Variants in RSPH4A observed in about 807,000 individuals in gnomAD.
RSPH4A encodes the protein radial spoke head component 4A.
A neutral mutation model predicts 71.0 loss-of-function variants in RSPH4A; 47 were observed. The ratio of observed to expected loss-of-function variants is 0.66; its 90% CI spans 0.52 to 0.84. RSPH4A has a LOEUF of 0.84. RSPH4A is among the 40% of genes least tolerant of loss of function. RSPH4A has a pLI of 0.00. For synonymous variants in RSPH4A, 282 were observed against 302.3 expected (o/e 0.93, Z 0.70); for missense variants, 793 against 855.2 (o/e 0.93, Z 0.91).
chr6:116,629,647 C>T lies in RSPH4A; in HGVS notation c.1743C>T (p.Asp581=). Residue 581 remains aspartate, a synonymous_variant, in exon 4 of 6, where the codon GAC becomes GAT. Coordinates refer to ENST00000229554, the MANE Select transcript of RSPH4A (RefSeq NM_001010892.3). The part of the protein sequence containing the change: ...EEEDEEKDDS[D]YIEQEVGLPL... ...AAGATGAAGAAAAAGACGATTCTGA[C>T]TACATAGAACAGGAAGTGGGGCTTC... 6.2e-7 allele frequency: 1 copy of T among 1,613,208 alleles called. No individual in the cohort carries two copies. Among genetic ancestry groups the T allele is most frequent in the East Asian group, 2.2e-5 (1 of 44,852 alleles).
At chr6:116,631,982 T>G (rs988565169) in intron 5 of RSPH4A, among the ~76,000 whole-genome samples, 3 of 151,966 alleles carry the variant, frequency 2.0e-5, no homozygotes, top group Non-Finnish European at 2.9e-5. Context: ...TAACAGTATC[T>G]GGCCCCATGG....
intron 2 of RSPH4A, among the ~76,000 whole-genome samples, chr6:116,626,015 A>T (rs1775686989): frequency 6.6e-6 from 1 of 152,208 alleles, no homozygotes; most frequent in Admixed American, 6.5e-5. Context: ...GCGATAAGTG[A>T]AAAGGATATT....
At chr6:116,629,964 T>C (rs1031857960) in intron 4 of RSPH4A, among the ~76,000 whole-genome samples, 40 of 152,224 alleles carry the variant, frequency 2.6e-4, no homozygotes, top group Non-Finnish European at 5.3e-4. Flanking sequence ...CTGACAATTG[T>C]CTCCTTTATT....
Position 116,622,918 on chromosome 6 carries a change from A to T in RSPH4A, c.837A>T (p.Pro279=). The change falls in exon 2 of 6, where the codon CCA becomes CCT. Residue 279 remains proline (P), a synonymous_variant. Coordinates refer to ENST00000229554, the MANE Select transcript of RSPH4A (RefSeq NM_001010892.3). The stretch of plus-strand genomic sequence containing the variant: ...TACAAAATGAGAATGAGTTGCTTCC[A>T]ACATATGAAATAGCAGAAAAGCAAA... ...DALQNENELL[P]TYEIAEKQKA... is the part of the protein sequence containing the mutation. 1 of 1,614,004 alleles carries T rather than the reference A, an allele frequency of 6.2e-7. No individual in the cohort carries two copies.
rs1775723345 is a variant in RSPH4A at position 116,627,863 on chromosome 6, G to A, written c.1156G>A (p.Asp386Asn). 6.2e-7 allele frequency: 1 copy of A among 1,613,610 alleles called. No individual in the cohort carries two copies. The highest frequency in any genetic ancestry group is 1.3e-5 in the African/African-American group (1 of 74,924). Residue 386 changes from aspartate (D) to asparagine (N), a missense_variant, in exon 3 of 6, where the codon GAT (aspartate) becomes AAT (asparagine). Physicochemically the swap from Asp to Asn is conservative, Grantham distance 23. Coordinates refer to ENST00000229554, the MANE Select transcript of RSPH4A (RefSeq NM_001010892.3). Reference protein sequence around the residue: ...GEDEEEVEEEDVAEERDNGES... With the variant: ...GEDEEEVEEENVAEERDNGES... ...AGATGAAGAGGAAGTGGAAGAGGAA[G>A]ATGTAGCTGAAGAGAGGGACAATGG... is the stretch of plus-strand genomic sequence containing the variant.
intron 5 of RSPH4A, among the ~76,000 whole-genome samples, chr6:116,630,963 T>A (rs1775795345): frequency 6.6e-6 from 1 of 150,790 alleles, no homozygotes; most frequent in Non-Finnish European, 1.5e-5. Context: ...GTGCTGGGAT[T>A]ACATGTTTGA....
intron 1 of RSPH4A, among the ~76,000 whole-genome samples, chr6:116,619,796 A>ACAAGCTCTGCC (rs1775571173): frequency 6.6e-6 from 1 of 151,974 alleles, no homozygotes; most frequent in South Asian, 2.1e-4. Flanking sequence ...TCGGCTCACT[A>ACAAGCTCTGCC]CAAGCTCTGC....
chr6:116,627,994 T>C lies in RSPH4A; in HGVS notation c.1287T>C (p.Tyr429=), dbSNP rs1775726586. 3 of 1,614,110 alleles carry C rather than the reference T, an allele frequency of 1.9e-6. No homozygotes were observed. Among genetic ancestry groups the C allele is most frequent in the African/African-American group, 2.7e-5 (2 of 75,052 alleles). The change falls in exon 3 of 6, where the codon TAT becomes TAC. Residue 429 remains tyrosine (Y), a synonymous_variant. Coordinates refer to ENST00000229554, the MANE Select transcript of RSPH4A (RefSeq NM_001010892.3). ...KEESRTGANK[Y]VYFVCNEPGR... ...AAAGTAGAACAGGTGCCAACAAATA[T>C]GTCTATTTTGTTTGCAATGAACCAG...
At chr6:116,629,388 G>A (rs79472876) in intron 3 of RSPH4A, among the ~76,000 whole-genome samples, 179 bp from the exon 4 acceptor site, 3,207 of 152,092 alleles carry the variant, frequency 0.021, 40 homozygotes, top group Non-Finnish European at 0.032. Flanking sequence ...TAAATAGCAC[G>A]GTCCTTTCCT....
rs1775776796 is a variant in RSPH4A at position 116,630,481 on chromosome 6, C to T, written c.1845C>T (p.Leu615=). ...PPWTTRLSSN[L]IPQYAIAVLQ... is the part of the protein sequence containing the mutation. ...GGACAACACGGTTATCCTCAAATCT[C>T]ATTCCACAATATGCTATTGCAGTCC... The change falls in exon 5 of 6, where the codon CTC becomes CTT. Residue 615 remains leucine (L), a synonymous_variant. Coordinates refer to ENST00000229554, the MANE Select transcript of RSPH4A (RefSeq NM_001010892.3). 1 of 1,611,846 alleles carries T rather than the reference C, an allele frequency of 6.2e-7. No individual in the cohort carries two copies. Among genetic ancestry groups the T allele is most frequent in the South Asian group, 1.1e-5 (1 of 91,036 alleles).
chr6:116,618,215 G>T (rs1295115849), intron 1 of RSPH4A, among the ~76,000 whole-genome samples: 1 of 152,104 alleles, frequency 6.6e-6, no homozygotes, highest in Non-Finnish European at 1.5e-5. Flanking sequence ...TAAGTCTTTG[G>T]CTGGCTGGCT....
chr6:116,629,750 T>C, intron 4 of RSPH4A, 48 bp downstream of exon 4: 2 of 1,509,774 alleles, frequency 1.3e-6, no homozygotes, highest in Non-Finnish European at 1.8e-6. Context: ...AACAATATAA[T>C]ATACTGTGTG....
rs1168627436 is a variant in RSPH4A, at chr6:116,632,501, A to C, written c.*60A>C. ...GATACACACACACCCCTTATATGGG[A>C]CTAATTTTACACTTTTCTGTGTTAT... is the stretch of plus-strand genomic sequence containing the variant. On this transcript the variant is annotated 3_prime_UTR_variant, in exon 6 of 6. Coordinates refer to ENST00000229554, the MANE Select transcript of RSPH4A (RefSeq NM_001010892.3). 7.7e-6 allele frequency: 12 copies of C among 1,557,390 alleles called. No individual in the cohort carries two copies. Among genetic ancestry groups the C allele is most frequent in the Non-Finnish European group, 1.0e-5 (12 of 1,150,192 alleles).
At chr6:116,620,815 G>A (rs1007562763) in intron 1 of RSPH4A, among the ~76,000 whole-genome samples, 13 of 152,074 alleles carry the variant, frequency 8.5e-5, no homozygotes, top group African/African-American at 3.1e-4. Flanking sequence ...GCTATTGCCC[G>A]ATAACCAACA....
Position 116,630,635 on chromosome 6 carries a change from A to G in RSPH4A, c.1916+83A>G, listed in dbSNP as rs180746157. 22 of 712,862 alleles carry G rather than the reference A, an allele frequency of 3.1e-5. No homozygotes were observed. The Admixed American group carries it at 3.2e-4, about 10-fold the overall frequency. The allele number at this position is 712,862 out of a possible 1,614,324, so 44.2% of individuals were successfully genotyped here. A position where few individuals can be genotyped will look rare whatever the true frequency, so the allele number is the denominator to read the frequency against. ...TAAATAACCACTAGAATGTTAAGCT[A>G]CTATCGTTGTTTCTTTGGTTTTTTT... On this transcript the variant is annotated intron_variant, in intron 5 of 5. Transcript: ENST00000229554.
Position 116,628,357 on chromosome 6 carries a change from T to C in RSPH4A, c.1650T>C (p.His550=), listed in dbSNP as rs1344288902. 1 of 1,612,238 alleles carries C rather than the reference T, an allele frequency of 6.2e-7. No individual in the cohort carries two copies. Among genetic ancestry groups the C allele is most frequent in the East Asian group, 2.2e-5 (1 of 44,860 alleles). Residue 550 remains histidine, a synonymous_variant, in exon 3 of 6, where the codon CAT becomes CAC. Coordinates refer to ENST00000229554, the MANE Select transcript of RSPH4A (RefSeq NM_001010892.3). ...SLSNWVHHVQ[H]ILSQGRCNWF... The stretch of plus-strand genomic sequence containing the variant: ...CCAATTGGGTTCATCATGTACAGCA[T>C]ATTCTCTCTCAGGTAGGAGCTTTGC...
In RSPH4A at chr6:116,627,647, A is replaced by T. The variant is rs1269058589; in HGVS notation, c.940A>T (p.Asn314Tyr). The T allele has an allele frequency of 6.2e-7, 1 of 1,614,128 alleles. No individual in the cohort carries two copies. Among genetic ancestry groups the T allele is most frequent in the South Asian group, 1.1e-5 (1 of 91,082 alleles). The part of the protein sequence containing the change: ...EDEIAENALP[N>Y]VMESAFYFEQ... ...TCCCCAGGCAGAAAACGCTCTTCCA[A>T]ATGTAATGGAGTCAGCTTTTTATTT... The change falls in exon 3 of 6, where the codon AAT (asparagine) becomes TAT (tyrosine). Residue 314 changes from asparagine to tyrosine, a missense_variant. By Grantham distance (143) the Asn-to-Tyr change is moderately radical (BLOSUM62 -2). Transcript: ENST00000229554.
At position 116,629,881 on chromosome 6, in the gene RSPH4A, A is replaced by G. The variant is rs79006255; in HGVS notation, c.1798+179A>G. On this transcript the variant is annotated intron_variant, in intron 4 of 5. Coordinates refer to ENST00000229554, the MANE Select transcript of RSPH4A (RefSeq NM_001010892.3). ...GTGAAGAATGTAGCTGGCCACATCA[A>G]TGTTCTCTGACAGAGGTTGAAGGAG... Among the ~76,000 whole-genome samples the G allele has an allele frequency of 0.024, 3,581 of 152,272 alleles. 146 individuals are homozygous for G. The highest frequency in any genetic ancestry group is 0.082 in the African/African-American group (3,398 of 41,536).
intron 1 of RSPH4A, 84 bp from the exon 2 acceptor site, chr6:116,622,684 A>G (rs1256261803): frequency 2.3e-6 from 2 of 884,914 alleles, no homozygotes; most frequent in Admixed American, 1.9e-5. Flanking sequence ...ATATTTATCT[A>G]ATGACCCCAG....
Sources: gnomAD v4.1 joint callset for allele counts (sites outside exome capture counted in the v4.1 genomes callset) on GRCh38, gnomAD v4.1.1 for gene constraint, MANE v1.5 for transcripts, NCBI Gene and HGNC (gene_info 2026-07-23, HGNC 2026-07-21) for gene names.